RAD51B: variants seen among roughly 807,000 people sequenced by gnomAD.
RAD51B encodes the protein RAD51 paralog B, also known as DNA repair protein RAD51 homolog 2.
Under a neutral mutation model 42.2 loss-of-function variants are expected in RAD51B, and 38 were observed. That is an observed-to-expected ratio of 0.90 (90% CI 0.70 to 1.18). The LOEUF is 1.18. Among genes scored for constraint, RAD51B ranks in the 50% most tolerant of loss-of-function variants. The pLI is 0.00. For synonymous variants in RAD51B, 154 were observed against 145.2 expected (o/e 1.06, Z -0.43); for missense variants, 373 against 400.7 (o/e 0.93, Z 0.59).
intron 7 of RAD51B, among the ~76,000 whole-genome samples, chr14:68,194,536 C>T (rs2079331195): frequency 6.6e-6 from 1 of 152,208 alleles, no homozygotes; most frequent in Non-Finnish European, 1.5e-5. Flanking sequence ...GGACGGATTA[C>T]TGTGAACTCA....
chr14:68,456,136 C>T (rs1043549868), intron 9 of RAD51B, among the ~76,000 whole-genome samples: 46 of 151,984 alleles, frequency 3.0e-4, no homozygotes, highest in African/African-American at 1.1e-3. Context: ...ACAAAGAATG[C>T]AGTAATGACA....
At chr14:67,862,755 T>C in intron 4 of RAD51B, among the ~76,000 whole-genome samples, 1 of 152,306 alleles carries the variant, frequency 6.6e-6, no homozygotes, top group Middle Eastern at 3.4e-3. Flanking sequence ...ACAATTTGGC[T>C]TATTATTTTC....
rs145386735 is a variant in RAD51B, at chr14:68,608,613, G to C, written c.1037-2393G>C. 1.2e-3 allele frequency among the ~76,000 whole-genome samples: 189 copies of C among 152,308 alleles called. 4 individuals carry two copies. The East Asian group carries it at 0.031, about 25-fold the overall frequency. On this transcript the variant is annotated intron_variant, in intron 10 of 10. Coordinates refer to the RAD51B transcript ENST00000487861. ...CAGGCTGTAGGGCCATGGGTCAGTAGCTGAAGGAGCCACCTTTCATGCCCT... is the reference window on the plus strand; with the variant it reads ...CAGGCTGTAGGGCCATGGGTCAGTACCTGAAGGAGCCACCTTTCATGCCCT...
chr14:68,302,286 C>T (rs184556170), intron 8 of RAD51B, among the ~76,000 whole-genome samples: 10 of 152,268 alleles, frequency 6.6e-5, no homozygotes, highest in Admixed American at 2.6e-4. Flanking sequence ...GTGGCTATGA[C>T]GGACAAGTAA....
intron 8 of RAD51B, among the ~76,000 whole-genome samples, chr14:68,381,292 G>C (rs11158733): frequency 0.17 from 25,501 of 152,112 alleles, 2,346 homozygotes; most frequent in East Asian, 0.43. Flanking sequence ...CTATTTCTTA[G>C]AAGAATTTAC....
intron 7 of RAD51B, among the ~76,000 whole-genome samples, chr14:68,141,756 A>C (rs931339374): frequency 6.6e-6 from 1 of 152,224 alleles, no homozygotes; most frequent in African/African-American, 2.4e-5. Context: ...CAAATTTCCT[A>C]TGAAATGAGT....
chr14:68,312,413 G>T (rs146613202), intron 8 of RAD51B, among the ~76,000 whole-genome samples: 155 of 152,330 alleles, frequency 1.0e-3, no homozygotes, highest in Admixed American at 2.9e-3. Context: ...TACTCATCCA[G>T]TTATTAAGAC....
At chr14:68,242,454 G>C (rs574950174) in intron 7 of RAD51B, among the ~76,000 whole-genome samples, 5 of 152,178 alleles carry the variant, frequency 3.3e-5, no homozygotes, top group Non-Finnish European at 7.3e-5. Context: ...TTACATATCA[G>C]TGCATAATAA....
intron 10 of RAD51B, among the ~76,000 whole-genome samples, chr14:68,581,782 A>G (rs1281031794): frequency 6.6e-6 from 1 of 152,184 alleles, no homozygotes; most frequent in African/African-American, 2.4e-5. Flanking sequence ...GGTAACCAAA[A>G]CAGCATGGTA....
In RAD51B at chr14:68,207,950, A is replaced by G. The variant is rs538616262; in HGVS notation, c.757-83934A>G. 3.9e-5 allele frequency among the ~76,000 whole-genome samples: 6 copies of G among 152,280 alleles called. No individual in the cohort carries two copies. In the South Asian group the frequency reaches 1.0e-3, roughly 26 times the overall value. On this transcript the variant is annotated intron_variant, in intron 7 of 10. Coordinates refer to ENST00000471583, the MANE Select transcript of RAD51B (RefSeq NM_133510.4). Reference sequence around the variant, plus strand: ...CATTTAGCTTTTCTTAACCTTTTAAATGTGTTCACTAAATATTATTTTATT... The same window carrying G: ...CATTTAGCTTTTCTTAACCTTTTAAGTGTGTTCACTAAATATTATTTTATT...
chr14:68,326,010 T>G (rs2082241436), intron 8 of RAD51B, among the ~76,000 whole-genome samples: 1 of 150,832 alleles, frequency 6.6e-6, no homozygotes, highest in Admixed American at 6.7e-5. Flanking sequence ...AAATACTAAT[T>G]GAATAATGTT....
intron 9 of RAD51B, among the ~76,000 whole-genome samples, chr14:68,440,362 C>G (rs1245195561): frequency 6.6e-6 from 1 of 152,222 alleles, no homozygotes; most frequent in East Asian, 1.9e-4. Context: ...TTATTGCTAT[C>G]TGAATGCATT....
At chr14:68,301,592 GTTT>G (rs139865933) in intron 8 of RAD51B, among the ~76,000 whole-genome samples, 22 of 109,746 alleles carry the variant, frequency 2.0e-4, no homozygotes, top group South Asian at 6.5e-4. Flanking sequence ...TTGTTTGTGT[GTTT>G]TTTTTTTTTT....
intron 7 of RAD51B, among the ~76,000 whole-genome samples, chr14:68,275,673 A>G (rs1347494385): frequency 6.6e-6 from 1 of 151,878 alleles, no homozygotes; most frequent in Admixed American, 6.6e-5. Flanking sequence ...TTTCATAAAA[A>G]TTTTTCCTAA....
intron 7 of RAD51B, among the ~76,000 whole-genome samples, chr14:68,145,535 TCTG>T (rs2078231120): frequency 6.6e-6 from 1 of 152,238 alleles, no homozygotes. Context: ...ATTATAAAAA[TCTG>T]CTGTTCACAG....
At chr14:68,398,086 A>T (rs1307325683) in intron 8 of RAD51B, among the ~76,000 whole-genome samples, 1 of 152,194 alleles carries the variant, frequency 6.6e-6, no homozygotes, top group Non-Finnish European at 1.5e-5. Flanking sequence ...TGATAATTGA[A>T]AGCATTCTCC....
chr14:68,082,732 T>C (rs1235021135), intron 7 of RAD51B, among the ~76,000 whole-genome samples: 1 of 152,174 alleles, frequency 6.6e-6, no homozygotes, highest in African/African-American at 2.4e-5. Context: ...AGGTCCTTAC[T>C]GATGGACATT....
chr14:68,406,564 T>C (rs1407605911), intron 8 of RAD51B, among the ~76,000 whole-genome samples: 1 of 152,200 alleles, frequency 6.6e-6, no homozygotes, highest in Non-Finnish European at 1.5e-5. Context: ...TGAGTGCACC[T>C]ACTGATGAAT....
chr14:68,589,510 C>T (rs746740250), intron 10 of RAD51B, among the ~76,000 whole-genome samples: 4 of 152,220 alleles, frequency 2.6e-5, no homozygotes, highest in Admixed American at 6.5e-5. Context: ...GACCTGGGAA[C>T]GTCTCTTCCT....
Sources: allele counts gnomAD v4.1 joint callset (sites outside exome capture counted in the v4.1 genomes callset), GRCh38; gene constraint gnomAD v4.1.1; transcripts MANE v1.5; gene names NCBI Gene and HGNC (gene_info 2026-07-23, HGNC 2026-07-21).